ZNF264: variants seen among roughly 807,000 people sequenced by gnomAD.
ZNF264 encodes the protein zinc finger protein 264.
Under a neutral mutation model 11.2 loss-of-function variants are expected in ZNF264, and 11 were observed. That is an observed-to-expected ratio of 0.98 (90% CI 0.62 to 1.63). The LOEUF is 1.63. Among genes scored for constraint, ZNF264 ranks in the 40% most tolerant of loss-of-function variants. The probability of loss-of-function intolerance (pLI) is 0.00; values close to 1 mark genes in which losing one functional copy is unlikely to be tolerated. For synonymous variants in ZNF264, 309 were observed against 279.8 expected, an observed-to-expected ratio of 1.10 and a Z score of -1.04; for missense variants, 752 against 768.1, an observed-to-expected ratio of 0.98 and a Z score of 0.25.
At chr19:57,203,893 CTG>C (rs776872097) in intron 2 of ZNF264, among the ~76,000 whole-genome samples, 19 of 152,166 alleles carry the variant, frequency 1.2e-4, no homozygotes, top group African/African-American at 3.1e-4. Context: ...TCTTTAAAAA[CTG>C]TGTGGCCATG....
chr19:57,194,660 A>G (rs1318557596), intron 2 of ZNF264: 3 of 388,180 alleles, frequency 7.7e-6, no homozygotes, highest in Non-Finnish European at 1.4e-5. Flanking sequence ...ATTTCTGCCT[A>G]CTTTATATGC....
chr19:57,204,347 T>C (rs900029741), intron 2 of ZNF264, among the ~76,000 whole-genome samples: 1 of 152,238 alleles, frequency 6.6e-6, no homozygotes, highest in Admixed American at 6.5e-5. Flanking sequence ...TAAAGGGTTA[T>C]TGATAGGGTT....
chr19:57,195,530 T>C (rs1047894433), intron 2 of ZNF264, among the ~76,000 whole-genome samples: 5 of 152,180 alleles, frequency 3.3e-5, no homozygotes, highest in Non-Finnish European at 7.3e-5. Context: ...GACCCAAACC[T>C]TCATTCCTGA....
chr19:57,203,641 T>C (rs1360994386), intron 2 of ZNF264, among the ~76,000 whole-genome samples: 1 of 152,204 alleles, frequency 6.6e-6, no homozygotes, highest in Non-Finnish European at 1.5e-5. Context: ...TAAATGTCCT[T>C]ATTTAACTCT....
At position 57,218,502 on chromosome 19, in the gene ZNF264, A is replaced by G. The variant is rs1479101165; in HGVS notation, c.*5521A>G. 6.6e-6 allele frequency: 1 copy of G among 152,164 alleles called. No homozygotes were observed. The highest frequency in any genetic ancestry group is 2.4e-5 in the African/African-American group (1 of 41,438). The allele number at this position is 152,164 out of a possible 1,614,324, so 9.4% of individuals were successfully genotyped here. ...GTGCTTGCCCAGCTTTTTGATCTGT[A>G]GGATTATGCCTTTTGCAAAATTTGG... is the stretch of plus-strand genomic sequence containing the variant. On this transcript the variant is annotated 3_prime_UTR_variant, in exon 4 of 4. Coordinates refer to ENST00000263095, the MANE Select transcript of ZNF264 (RefSeq NM_003417.5).
At chr19:57,210,005 C>T (rs2087322866) in intron 3 of ZNF264, among the ~76,000 whole-genome samples, 1 of 152,082 alleles carries the variant, frequency 6.6e-6, no homozygotes, top group South Asian at 2.1e-4. Context: ...AAGCCAGGTC[C>T]TCTTACCTCT....
intron 3 of ZNF264, among the ~76,000 whole-genome samples, chr19:57,207,991 G>A (rs200090864): frequency 6.6e-6 from 1 of 151,938 alleles, no homozygotes; most frequent in Non-Finnish European, 1.5e-5. Context: ...CTTCCAAAGT[G>A]CTGGGATTAC....
rs1024623168 is a variant in ZNF264, at chr19:57,201,744, T to C, written c.161-3653T>C. Among the ~76,000 whole-genome samples the C allele has an allele frequency of 3.4e-4, 52 of 151,852 alleles. 1 individual carries two copies. Among genetic ancestry groups the C allele is most frequent in the African/African-American group, 1.3e-3 (52 of 41,140 alleles). ...CACTCCTTTAGGATTCCTACAGCAC[T>C]TTAGGCCAGAAACCCATGGCAGCAA... On this transcript the variant is annotated intron_variant, in intron 2 of 3. Transcript: ENST00000263095.
At chr19:57,209,881 G>A (rs528564586) in intron 3 of ZNF264, among the ~76,000 whole-genome samples, 2 of 151,976 alleles carry the variant, frequency 1.3e-5, no homozygotes, top group African/African-American at 4.8e-5. Context: ...TACAGGCTTT[G>A]GGGGGCTGAG....
intron 2 of ZNF264, among the ~76,000 whole-genome samples, chr19:57,203,803 C>T (rs755825912): frequency 6.6e-5 from 10 of 152,202 alleles, no homozygotes; most frequent in Non-Finnish European, 1.5e-4. Context: ...CCACCACCCA[C>T]TCTGTGGTGC....
chr19:57,215,288 AGTCT>A lies in ZNF264; in HGVS notation c.*2311_*2314del, dbSNP rs2087371972. On this transcript the variant is annotated 3_prime_UTR_variant, in exon 4 of 4. Transcript: ENST00000263095. ...TATTTCTTGTGTAATAAATTTTGAT[AGTCT>A]GTCCTGTTGAAGGAATATTTCATCT... The A allele has an allele frequency of 6.6e-6, 1 of 152,190 alleles. No individual in the cohort carries two copies. The highest frequency in any genetic ancestry group is 2.4e-5 in the African/African-American group (1 of 41,452). The allele number at this position is 152,190 out of a possible 1,614,324, so 9.4% of individuals were successfully genotyped here. A position where few individuals can be genotyped will look rare whatever the true frequency, so the allele number is the denominator to read the frequency against.
At chr19:57,196,744 A>G (rs570040036) in intron 2 of ZNF264, among the ~76,000 whole-genome samples, 2 of 152,014 alleles carry the variant, frequency 1.3e-5, no homozygotes, top group East Asian at 3.9e-4. Flanking sequence ...TGGGATACAG[A>G]TATCTTCACA....
chr19:57,200,537 C>CTCTTGTCTCTTGTG (rs142305039), intron 2 of ZNF264, among the ~76,000 whole-genome samples: 2,631 of 146,544 alleles, frequency 0.018, 105 homozygotes, highest in African/African-American at 0.053. Context: ...TTGTCTTTGT[C>CTCTTGTCTCTTGTG]TCTTGTCTCT....
At chr19:57,194,713 A>AGG in intron 2 of ZNF264, 1 of 396,576 alleles carries the variant, frequency 2.5e-6, no homozygotes. Flanking sequence ...ACCCAGATTA[A>AGG]GGGGGGGGTC....
chr19:57,193,608 T>G (rs971608277), intron 1 of ZNF264: 2 of 912,988 alleles, frequency 2.2e-6, no homozygotes, highest in African/African-American at 3.6e-5. Flanking sequence ...TTAGAGCCCT[T>G]AGCTTCTGTA....
At chr19:57,201,504 A>C (rs2087253294) in intron 2 of ZNF264, among the ~76,000 whole-genome samples, 1 of 151,974 alleles carries the variant, frequency 6.6e-6, no homozygotes, top group South Asian at 2.1e-4. Context: ...CTTGTATCCC[A>C]ACACAATCCA....
At chr19:57,192,417 G>A (rs936351257) in intron 1 of ZNF264, 30 of 985,270 alleles carry the variant, frequency 3.0e-5, no homozygotes, top group Non-Finnish European at 3.5e-5. Context: ...CTAGCCATCC[G>A]CAACTACTGC....
In ZNF264 at chr19:57,212,892, A is replaced by G. The variant is rs773915734; in HGVS notation, c.1795A>G (p.Thr599Ala). The change falls in exon 4 of 4, where the codon ACT becomes GCT. Residue 599 changes from threonine (T) to alanine (A), a missense_variant. Thr to Ala is a moderately conservative substitution (Grantham distance 58). Coordinates refer to ENST00000263095, the MANE Select transcript of ZNF264 (RefSeq NM_003417.5). ...LLGKDFLNVTTEANILPEETS... is the reference protein window; with the variant it reads ...LLGKDFLNVTAEANILPEETS... ...AGGGAAGGACTTTTTGAATGTAACC[A>G]CTGAGGCAAATATTTTGCCAGAGGA... 2 of 1,614,222 alleles carry G rather than the reference A, an allele frequency of 1.2e-6. No homozygotes were observed. The highest frequency in any genetic ancestry group is 1.6e-4 in the Middle Eastern group (1 of 6,062).
rs759528460 is a variant in ZNF264, at chr19:57,211,831, A to G, written c.734A>G (p.His245Arg). ...ECGKTFIKST[H>R]LLQHHMIHTG... ...GGGAAAACCTTTATTAAGAGCACAC[A>G]TCTCCTGCAACATCACATGATCCAC... Residue 245 changes from histidine to arginine, a missense_variant, in exon 4 of 4, where the codon CAT (histidine) becomes CGT (arginine). By Grantham distance (29) the His-to-Arg change is conservative. Coordinates refer to ENST00000263095, the MANE Select transcript of ZNF264 (RefSeq NM_003417.5). 1.9e-6 allele frequency: 3 copies of G among 1,614,238 alleles called. No homozygotes were observed. The highest frequency in any genetic ancestry group is 2.2e-5 in the South Asian group (2 of 91,090).
Sources: allele counts gnomAD v4.1 joint callset (sites outside exome capture counted in the v4.1 genomes callset), GRCh38; gene constraint gnomAD v4.1.1; transcripts MANE v1.5; gene names NCBI Gene and HGNC (gene_info 2026-07-23, HGNC 2026-07-21).